Variants in ZNF385D observed in about 807,000 individuals in gnomAD.
ZNF385D encodes the protein zinc finger protein 385D.
Under a neutral mutation model 35.8 loss-of-function variants are expected in ZNF385D, and 15 were observed. The observed-to-expected ratio is 0.42, with a 90% confidence interval of 0.28 to 0.64. ZNF385D has a LOEUF of 0.64. Among genes scored for constraint, ZNF385D ranks in the 30% least tolerant of loss-of-function variants. The probability of loss-of-function intolerance (pLI) is 0.23; values close to 1 mark genes in which losing one functional copy is unlikely to be tolerated. For synonymous variants in ZNF385D, 212 were observed against 186.8 expected (o/e 1.13, Z -1.10); for missense variants, 474 against 494.6 (o/e 0.96, Z 0.39).
At chr3:21,462,490 A>T (rs1332585336) in intron 4 of ZNF385D, among the ~76,000 whole-genome samples, 1 of 152,210 alleles carries the variant, frequency 6.6e-6, no homozygotes, top group East Asian at 1.9e-4. Context: ...ATACCTTGAT[A>T]CCATTTTAAG....
At chr3:22,132,481 A>T (rs187678245) in intron 3 of ZNF385D, among the ~76,000 whole-genome samples, 2 of 152,316 alleles carry the variant, frequency 1.3e-5, no homozygotes, top group Admixed American at 1.3e-4. Context: ...TTTAAGCTGA[A>T]TAAGGAGGGA....
At chr3:21,523,035 T>C (rs1311542417) in intron 3 of ZNF385D, among the ~76,000 whole-genome samples, 1 of 152,214 alleles carries the variant, frequency 6.6e-6, no homozygotes, top group Non-Finnish European at 1.5e-5. Flanking sequence ...ATTAAGGAGA[T>C]GCTGCTATTC....
chr3:21,455,813 T>C (rs1373915501), intron 4 of ZNF385D, among the ~76,000 whole-genome samples: 1 of 152,018 alleles, frequency 6.6e-6, no homozygotes, highest in Non-Finnish European at 1.5e-5. Context: ...ACCTACAGAA[T>C]GGGAAAAAAT....
chr3:21,816,952 A>T (rs1339689695), intron 3 of ZNF385D, among the ~76,000 whole-genome samples: 3 of 152,294 alleles, frequency 2.0e-5, no homozygotes, highest in East Asian at 3.9e-4. Flanking sequence ...GGCTACAGTA[A>T]CCAAAACAGC....
intron 2 of ZNF385D, among the ~76,000 whole-genome samples, chr3:22,190,061 A>G (rs1695911335): frequency 6.6e-6 from 1 of 152,162 alleles, no homozygotes. Flanking sequence ...AACAATAAAA[A>G]TGGCCCAGTG....
intron 2 of ZNF385D, among the ~76,000 whole-genome samples, chr3:21,645,296 G>T (rs1263760719): frequency 1.3e-5 from 2 of 152,090 alleles, no homozygotes; most frequent in Admixed American, 6.6e-5. Flanking sequence ...TTGTTGAGAG[G>T]GGGTGGCACA....
intron 3 of ZNF385D, among the ~76,000 whole-genome samples, chr3:21,540,898 C>T (rs1053365337): frequency 1.3e-5 from 2 of 152,150 alleles, no homozygotes; most frequent in East Asian, 1.9e-4. Context: ...CTTCCCCAAA[C>T]GACTGCAATC....
intron 3 of ZNF385D, among the ~76,000 whole-genome samples, chr3:21,813,431 C>G (rs897015006): frequency 1.3e-5 from 2 of 152,096 alleles, no homozygotes; most frequent in Non-Finnish European, 2.9e-5. Context: ...CTGAACCCAT[C>G]GCAAAGAAGC....
chr3:21,955,414 A>C (rs1477180554), intron 3 of ZNF385D, among the ~76,000 whole-genome samples: 1 of 152,110 alleles, frequency 6.6e-6, no homozygotes, highest in South Asian at 2.1e-4. Context: ...TCTTGTCTCC[A>C]ATGTTCTTCC....
intron 2 of ZNF385D, among the ~76,000 whole-genome samples, chr3:21,577,199 A>T (rs577901904): frequency 6.6e-6 from 1 of 152,044 alleles, no homozygotes; most frequent in African/African-American, 2.4e-5. Flanking sequence ...TCACTATTCT[A>T]CTGTTTACTT....
intron 1 of ZNF385D, among the ~76,000 whole-genome samples, chr3:21,706,672 T>A (rs1387490129): frequency 6.6e-6 from 1 of 152,146 alleles, no homozygotes; most frequent in Non-Finnish European, 1.5e-5. Flanking sequence ...AAGAGTCAGT[T>A]ATAGTTAAGA....
intron 3 of ZNF385D, among the ~76,000 whole-genome samples, chr3:21,905,849 T>C (rs978046855): frequency 6.6e-6 from 1 of 152,130 alleles, no homozygotes; most frequent in African/African-American, 2.4e-5. Context: ...ATTATTTTAG[T>C]TCTGGAAAAT....
intron 3 of ZNF385D, among the ~76,000 whole-genome samples, chr3:21,828,841 A>C (rs1399749691): frequency 3.3e-5 from 5 of 152,162 alleles, no homozygotes; most frequent in African/African-American, 1.2e-4. Flanking sequence ...TGCCTTTTAC[A>C]GCATCTATAG....
intron 3 of ZNF385D, among the ~76,000 whole-genome samples, chr3:22,004,599 A>C (rs77727856): frequency 4.4e-4 from 67 of 152,302 alleles, no homozygotes; most frequent in Non-Finnish European, 7.4e-4. Context: ...CTCCCATTCT[A>C]TTCCTAGAAA....
At chr3:21,568,316 G>A (rs1431769692) in intron 2 of ZNF385D, among the ~76,000 whole-genome samples, 1 of 152,108 alleles carries the variant, frequency 6.6e-6, no homozygotes, top group Non-Finnish European at 1.5e-5. Context: ...ATAACTAAAA[G>A]TAGCCTCTAC....
intron 3 of ZNF385D, among the ~76,000 whole-genome samples, chr3:21,996,618 G>T (rs1223704058): frequency 2.6e-5 from 4 of 152,122 alleles, no homozygotes; most frequent in Non-Finnish European, 5.9e-5. Flanking sequence ...TCTCACATAT[G>T]TTTCAGCTTA....
chr3:22,243,883 A>T (rs1036789534), intron 2 of ZNF385D, among the ~76,000 whole-genome samples: 1 of 150,858 alleles, frequency 6.6e-6, no homozygotes, highest in Non-Finnish European at 1.5e-5. Flanking sequence ...TGACAGCTGG[A>T]AATATGGCCC....
chr3:21,459,174 G>T (rs1171950842), intron 4 of ZNF385D, among the ~76,000 whole-genome samples: 1 of 152,082 alleles, frequency 6.6e-6, no homozygotes, highest in African/African-American at 2.4e-5. Context: ...AAGTGCTTTT[G>T]GGCTATCCTG....
At chr3:21,628,263 A>T (rs2065189035) in intron 2 of ZNF385D, among the ~76,000 whole-genome samples, 2 of 152,116 alleles carry the variant, frequency 1.3e-5, no homozygotes, top group South Asian at 2.1e-4. Flanking sequence ...GTCAGATGGG[A>T]TTCAGTTTAA....
Sources: gnomAD v4.1 joint callset for allele counts (sites outside exome capture counted in the v4.1 genomes callset) on GRCh38, gnomAD v4.1.1 for gene constraint, MANE v1.5 for transcripts, NCBI Gene and HGNC (gene_info 2026-07-23, HGNC 2026-07-21) for gene names.